Variants in RECK observed in about 807,000 individuals in gnomAD.
The protein encoded by RECK is reversion inducing cysteine rich protein with kazal motifs.
RECK carries 69 observed loss-of-function variants against 115.1 expected under a neutral mutation model. The observed-to-expected ratio is 0.60, with a 90% CI of 0.49 to 0.73. The LOEUF is 0.73. Ranked by LOEUF, RECK falls within the 30% of genes least tolerant of loss-of-function variation. The pLI, the probability that RECK is intolerant of heterozygous loss-of-function variation, is 0.00. For synonymous variants in RECK, 414 were observed against 419.7 expected, an observed-to-expected ratio of 0.99 and a Z score of 0.17; for missense variants, 1,047 against 1,203.7, an observed-to-expected ratio of 0.87 and a Z score of 1.93.
intron 6 of RECK, among the ~76,000 whole-genome samples, chr9:36,069,196 G>A (rs927305606): frequency 6.6e-5 from 10 of 152,154 alleles, no homozygotes; most frequent in African/African-American, 2.2e-4. Context: ...GAAATGATCA[G>A]ATGCAGACTA....
At position 36,117,103 on chromosome 9, in the gene RECK, G is replaced by GA; in HGVS notation, c.2180dup (p.Asp727GlufsTer40). Reference sequence around the variant, plus strand: ...GGTCCAAGATCCTGTTTGTGACACAGACCACATGGAGCACAACAATCTCTG... The same window carrying GA: ...GGTCCAAGATCCTGTTTGTGACACAGAACCACATGGAGCACAACAATCTCTG... On this transcript the variant is annotated frameshift_variant, in exon 17 of 21. Transcript: ENST00000377966. LOFTEE classifies it high-confidence loss of function. The GA allele has an allele frequency of 6.2e-7, 1 of 1,614,190 alleles. No individual in the cohort carries two copies. Among genetic ancestry groups the GA allele is most frequent in the Non-Finnish European group, 8.5e-7 (1 of 1,180,008 alleles).
At chr9:36,077,081 G>T (rs1822479629) in intron 6 of RECK, among the ~76,000 whole-genome samples, 1 of 152,064 alleles carries the variant, frequency 6.6e-6, no homozygotes, top group African/African-American at 2.4e-5. Context: ...TTGAGGTTAT[G>T]GTAGATCCTC....
chr9:36,054,119 T>G (rs1408997807), intron 2 of RECK, among the ~76,000 whole-genome samples: 1 of 152,150 alleles, frequency 6.6e-6, no homozygotes, highest in Admixed American at 6.5e-5. Flanking sequence ...TTAAAACTCG[T>G]AGAGCTCACT....
intron 6 of RECK, among the ~76,000 whole-genome samples, chr9:36,066,028 AAG>A (rs538126065): frequency 7.2e-5 from 11 of 152,198 alleles, no homozygotes; most frequent in Non-Finnish European, 1.0e-4. Context: ...TAATAAAAGA[AAG>A]AAAATCACAG....
In RECK at chr9:36,066,782, A is replaced by ATT. The variant is rs1333131579; in HGVS notation, c.405+1161_405+1162dup. 5.4e-6 allele frequency: 7 copies of ATT among 1,287,648 alleles called. No homozygotes were observed. The African/African-American group carries it at 1.1e-4, about 20-fold the overall frequency. The allele number at this position is 1,287,648 out of a possible 1,614,324, so 79.8% of individuals were successfully genotyped here. ...CATCTTCCATAGCCTGTCCTCCGTT[A>ATT]TTTTAGTGTGCTTCCTTCTCTTGTC... On this transcript the variant is annotated intron_variant, in intron 6 of 20. Coordinates refer to ENST00000377966, the MANE Select transcript of RECK (RefSeq NM_021111.3).
In RECK at chr9:36,110,223, C is replaced by T. The variant is rs80043662; in HGVS notation, c.1888+144C>T. ...ATCTAAGGGCAAGATGCTTTTCCTC[C>T]CTGGATCTCAGTTTCTTCCTCTATG... On this transcript the variant is annotated intron_variant, in intron 15 of 20. Transcript: ENST00000377966. 6.7e-3 allele frequency: 5,822 copies of T among 871,608 alleles called. 248 individuals carry two copies. The African/African-American group carries it at 0.088, about 13-fold the overall frequency. 54.0% of individuals were successfully genotyped at this position (871,608 alleles called of 1,614,324 possible). A position where few individuals can be genotyped will look rare whatever the true frequency, so the allele number is the denominator to read the frequency against.
chr9:36,104,314 ATATATATATATAT>A (rs1564130841), intron 12 of RECK, among the ~76,000 whole-genome samples: 1 of 58,894 alleles, frequency 1.7e-5, no homozygotes, highest in African/African-American at 9.2e-5. Flanking sequence ...ATATATATAT[ATATATATATATAT>A]TTTTTTTTTT....
intron 1 of RECK, 117 bp from the exon 2 acceptor site, chr9:36,052,148 A>G: frequency 1.5e-6 from 1 of 657,958 alleles, no homozygotes; most frequent in South Asian, 1.7e-5. Flanking sequence ...TTGAGTTAAA[A>G]TTAATAATAA....
chr9:36,038,180 G>C (rs552035936), intron 1 of RECK, among the ~76,000 whole-genome samples: 3 of 152,072 alleles, frequency 2.0e-5, no homozygotes, highest in African/African-American at 7.2e-5. Flanking sequence ...GGGCATGGTG[G>C]TGTATGCCTG....
rs544361749 is a variant in RECK at position 36,073,980 on chromosome 9, T to G, written c.406-6625T>G. Among the ~76,000 whole-genome samples, 4 of 152,198 alleles carry G rather than the reference T, an allele frequency of 2.6e-5. No individual in the cohort carries two copies. The South Asian group carries it at 8.3e-4, about 32-fold the overall frequency. Reference sequence around the variant, plus strand: ...TAAAATCAGCCATGGGTGGAGGTATTTGCAGCGTGAACATCAGCAAATACT... The same window carrying G: ...TAAAATCAGCCATGGGTGGAGGTATGTGCAGCGTGAACATCAGCAAATACT... On this transcript the variant is annotated intron_variant, in intron 6 of 20. Transcript: ENST00000377966.
At chr9:36,117,615 T>C (rs532691145) in intron 17 of RECK, among the ~76,000 whole-genome samples, 6 of 152,356 alleles carry the variant, frequency 3.9e-5, no homozygotes, top group African/African-American at 1.2e-4. Context: ...AAATTTTCTT[T>C]AAGACTTAAT....
intron 15 of RECK, 143 bp downstream of exon 15, chr9:36,110,222 C>A: frequency 1.1e-6 from 1 of 871,924 alleles, no homozygotes; most frequent in Non-Finnish European, 1.7e-6. Flanking sequence ...TGCTTTTCCT[C>A]CCTGGATCTC....
At chr9:36,056,476 A>G (rs1257630014) in intron 2 of RECK, among the ~76,000 whole-genome samples, 1 of 152,180 alleles carries the variant, frequency 6.6e-6, no homozygotes, top group Non-Finnish European at 1.5e-5. Flanking sequence ...AGAGTTTCCC[A>G]TAGTCCAAAC....
At position 36,121,557 on chromosome 9, in the gene RECK, G is replaced by T. The variant is rs1485430103; in HGVS notation, c.2563G>T (p.Val855Phe). Residue 855 changes from valine to phenylalanine, a missense_variant, in exon 20 of 21, where the codon GTT becomes TTT. Physicochemically the swap from Val to Phe is conservative, Grantham distance 50. Coordinates refer to ENST00000377966, the MANE Select transcript of RECK (RefSeq NM_021111.3). ...AKVTNKKPIT[V>F]LEILQKIRMH... is the part of the protein sequence containing the mutation. ...GGTAACAAATAAAAAGCCAATAACA[G>T]TTCTGGAAATACTTCAGAAAATCCG... The T allele has an allele frequency of 6.2e-6, 10 of 1,613,844 alleles. No homozygotes were observed. The Admixed American group carries it at 1.2e-4, about 19-fold the overall frequency.
intron 1 of RECK, among the ~76,000 whole-genome samples, chr9:36,051,357 A>G (rs1393830438): frequency 6.6e-6 from 1 of 152,188 alleles, no homozygotes; most frequent in African/African-American, 2.4e-5. Flanking sequence ...GCATCTTTGT[A>G]TAATTACTAC....
chr9:36,091,056 T>C, intron 9 of RECK, 108 bp from the exon 10 acceptor site: 1 of 932,260 alleles, frequency 1.1e-6, no homozygotes, highest in Non-Finnish European at 1.5e-6. Flanking sequence ...TTACTTTTTT[T>C]CTCACATACG....
intron 16 of RECK, 42 bp downstream of exon 16, chr9:36,112,518 T>A: frequency 6.3e-7 from 1 of 1,582,240 alleles, no homozygotes; most frequent in Non-Finnish European, 8.7e-7. Context: ...TGAAGACTAG[T>A]ACTTACAAAG....
chr9:36,042,021 C>CT (rs964389689), intron 1 of RECK, among the ~76,000 whole-genome samples: 3 of 151,486 alleles, frequency 2.0e-5, no homozygotes, highest in Non-Finnish European at 4.4e-5. Context: ...TTTTTTTGTA[C>CT]TTTTTTCCTG....
chr9:36,081,947 A>G (rs887584056), intron 7 of RECK, among the ~76,000 whole-genome samples: 16 of 152,064 alleles, frequency 1.1e-4, no homozygotes, highest in African/African-American at 3.6e-4. Flanking sequence ...GGTATGGAAT[A>G]GTTTCCTGGT....
Sources: allele counts gnomAD v4.1 joint callset (sites outside exome capture counted in the v4.1 genomes callset), GRCh38; gene constraint gnomAD v4.1.1; transcripts MANE v1.5; gene names NCBI Gene and HGNC (gene_info 2026-07-23, HGNC 2026-07-21).